Variants in ACAP2 observed in about 807,000 individuals in gnomAD.
The protein encoded by ACAP2 is arf-GAP with coiled-coil, ANK repeat and PH domain-containing protein 2.
In ACAP2, 39 loss-of-function variants were observed where a neutral mutation model predicts 115.8. The ratio of observed to expected loss-of-function variants is 0.34; its 90% CI spans 0.26 to 0.44. The LOEUF is 0.44. Among genes scored for constraint, ACAP2 ranks in the 20% least tolerant of loss-of-function variants. ACAP2 has a pLI of 1.00. For missense variants in ACAP2, 662 were observed against 927.6 expected (o/e 0.71, Z 3.72); for synonymous variants, 289 against 315.8 (o/e 0.92, Z 0.90).
chr3:195,354,142 T>A (rs1468857673), intron 4 of ACAP2, among the ~76,000 whole-genome samples: 1 of 152,226 alleles, frequency 6.6e-6, no homozygotes, highest in Non-Finnish European at 1.5e-5. Flanking sequence ...GGCCTCCAGC[T>A]CCATCCATGT....
chr3:195,433,228 C>A (rs1715274463), intron 1 of ACAP2, among the ~76,000 whole-genome samples: 1 of 152,044 alleles, frequency 6.6e-6, no homozygotes, highest in South Asian at 2.1e-4. Flanking sequence ...ATTTCTAATA[C>A]CTAATGCAAT....
intron 13 of ACAP2, 28 bp from the exon 14 acceptor site, chr3:195,302,202 TAAA>T: frequency 8.1e-7 from 1 of 1,239,938 alleles, no homozygotes; most frequent in Admixed American, 2.2e-5. Flanking sequence ...TACTTGTTTT[TAAA>T]AAAAAAAAAG....
intron 4 of ACAP2, among the ~76,000 whole-genome samples, chr3:195,372,856 C>G (rs1156239362): frequency 6.6e-6 from 1 of 151,818 alleles, no homozygotes; most frequent in Non-Finnish European, 1.5e-5. Flanking sequence ...CTCGGAAGAG[C>G]ACTGACTGTT....
At chr3:195,344,608 C>T (rs1444641889) in intron 5 of ACAP2, among the ~76,000 whole-genome samples, 1 of 152,096 alleles carries the variant, frequency 6.6e-6, no homozygotes, top group African/African-American at 2.4e-5. Context: ...GCAACCTCCA[C>T]CTCCCAGGTT....
At chr3:195,418,512 A>G (rs1169604605) in intron 1 of ACAP2, among the ~76,000 whole-genome samples, 1 of 152,036 alleles carries the variant, frequency 6.6e-6, no homozygotes, top group Non-Finnish European at 1.5e-5. Context: ...GCAGCCTCAA[A>G]CTCCAAGGCT....
chr3:195,354,843 G>C (rs1367915323), intron 4 of ACAP2, among the ~76,000 whole-genome samples: 1 of 152,150 alleles, frequency 6.6e-6, no homozygotes, highest in Non-Finnish European at 1.5e-5. Context: ...CATGAAATTA[G>C]ATGTCAGTAA....
intron 1 of ACAP2, among the ~76,000 whole-genome samples, chr3:195,430,269 T>C (rs1442508644): frequency 7.2e-5 from 11 of 152,366 alleles, no homozygotes; most frequent in Admixed American, 2.6e-4. Context: ...TGAAGCTTAT[T>C]TGATGGATGT....
At chr3:195,354,896 C>A (rs1450912921) in intron 4 of ACAP2, among the ~76,000 whole-genome samples, 1 of 152,220 alleles carries the variant, frequency 6.6e-6, no homozygotes, top group Non-Finnish European at 1.5e-5. Flanking sequence ...AAGAGTCTCA[C>A]TCCATCACGC....
intron 4 of ACAP2, among the ~76,000 whole-genome samples, chr3:195,361,030 C>T (rs1044891002): frequency 1.3e-5 from 2 of 150,156 alleles, no homozygotes; most frequent in Non-Finnish European, 3.0e-5. Context: ...AGGATCTTCT[C>T]CGACCACAAT....
Position 195,367,542 on chromosome 3 carries a change from T to C in ACAP2, c.285+13467A>G, listed in dbSNP as rs984381540. Among the ~76,000 whole-genome samples, 4 of 152,054 alleles carry C rather than the reference T, an allele frequency of 2.6e-5. No individual in the cohort carries two copies. In the South Asian group the frequency reaches 8.3e-4, roughly 32 times the overall value. ...CATCAATTCCTCCCATCCCTGCAGG[T>C]GCGTGCCACTCTCCCACTCACACGG... On this transcript the variant is annotated intron_variant, in intron 4 of 22. Coordinates refer to ENST00000326793, the MANE Select transcript of ACAP2 (RefSeq NM_012287.6).
intron 1 of ACAP2, among the ~76,000 whole-genome samples, chr3:195,424,722 C>G (rs1714529291): frequency 6.6e-6 from 1 of 151,588 alleles, no homozygotes; most frequent in African/African-American, 2.4e-5. Flanking sequence ...TCAAGACCAG[C>G]CTGGGCAACA....
chr3:195,299,833 C>T (rs1482228384), intron 15 of ACAP2, among the ~76,000 whole-genome samples: 1 of 151,608 alleles, frequency 6.6e-6, no homozygotes, highest in Non-Finnish European at 1.5e-5. Flanking sequence ...GCGAGACTCC[C>T]TCTCAAAAAA....
At chr3:195,340,625 A>C (rs1419749112) in intron 6 of ACAP2, among the ~76,000 whole-genome samples, 1 of 152,224 alleles carries the variant, frequency 6.6e-6, no homozygotes, top group African/African-American at 2.4e-5. Context: ...GTTTCAGATA[A>C]ATCAAGATAA....
At chr3:195,341,094 ATT>A (rs1473483243) in intron 6 of ACAP2, among the ~76,000 whole-genome samples, 15 of 152,152 alleles carry the variant, frequency 9.9e-5, no homozygotes. Flanking sequence ...GTAAAAGGAG[ATT>A]TATATAAGGT....
intron 13 of ACAP2, among the ~76,000 whole-genome samples, chr3:195,304,974 T>G (rs1415694235): frequency 6.6e-6 from 1 of 152,220 alleles, no homozygotes; most frequent in African/African-American, 2.4e-5. Flanking sequence ...AAAGTACTGA[T>G]GCCCAACTCC....
At chr3:195,423,952 A>T (rs1337732327) in intron 1 of ACAP2, among the ~76,000 whole-genome samples, 2 of 152,082 alleles carry the variant, frequency 1.3e-5, no homozygotes, top group African/African-American at 2.4e-5. Flanking sequence ...AAATAGTAAC[A>T]GCAGAGAACC....
At chr3:195,301,489 G>A (rs1728053156) in intron 15 of ACAP2, 86 bp downstream of exon 15, 17 of 1,018,376 alleles carry the variant, frequency 1.7e-5, no homozygotes, top group Non-Finnish European at 1.5e-6. Context: ...GTAGCATGAA[G>A]AACTCACACA....
chr3:195,383,842 C>T (rs1734108635), intron 2 of ACAP2, among the ~76,000 whole-genome samples: 1 of 151,824 alleles, frequency 6.6e-6, no homozygotes, highest in South Asian at 2.1e-4. Flanking sequence ...AGATAATTAC[C>T]CCCCAAAAAA....
At chr3:195,382,088 G>T in intron 2 of ACAP2, 66 bp from the exon 3 acceptor site, 1 of 1,497,752 alleles carries the variant, frequency 6.7e-7, no homozygotes, top group Non-Finnish European at 9.1e-7. Context: ...TTGAACAAGT[G>T]TTGGCAGTAA....
Sources: allele counts gnomAD v4.1 joint callset (sites outside exome capture counted in the v4.1 genomes callset), GRCh38; gene constraint gnomAD v4.1.1; transcripts MANE v1.5; gene names NCBI Gene and HGNC (gene_info 2026-07-23, HGNC 2026-07-21).